Variants in CNTN4 observed in about 807,000 individuals in gnomAD.
CNTN4 encodes contactin-4.
In CNTN4, 77 loss-of-function variants were observed where a neutral mutation model predicts 122.5. The observed-to-expected ratio is 0.63, with a 90% CI of 0.52 to 0.76. The LOEUF (loss-of-function observed/expected upper bound fraction) is 0.76. CNTN4 is among the 30% of genes least tolerant of loss of function. CNTN4 has a pLI of 0.00. For missense variants in CNTN4, 1,256 were observed against 1,259.1 expected (o/e 1.00, Z 0.04); for synonymous variants, 512 against 447.0 (o/e 1.15, Z -1.83).
chr3:2,662,865 G>A (rs939504886), intron 4 of CNTN4, among the ~76,000 whole-genome samples: 2 of 152,096 alleles, frequency 1.3e-5, no homozygotes, highest in African/African-American at 4.8e-5. Context: ...GGCTGAGGTG[G>A]GTGGATCACT....
chr3:2,855,973 AG>A (rs1426395089), intron 7 of CNTN4, among the ~76,000 whole-genome samples: 1 of 152,046 alleles, frequency 6.6e-6, no homozygotes, highest in Non-Finnish European at 1.5e-5. Context: ...CTCTGATTTC[AG>A]TGAATTTGAT....
intron 2 of CNTN4, among the ~76,000 whole-genome samples, chr3:2,172,220 C>G (rs1464274765): frequency 1.3e-5 from 2 of 151,712 alleles, no homozygotes. Context: ...ACTACTCAGC[C>G]ATAAAAAAAA....
At chr3:2,430,251 A>G (rs991616023) in intron 3 of CNTN4, among the ~76,000 whole-genome samples, 5 of 151,790 alleles carry the variant, frequency 3.3e-5, no homozygotes, top group Non-Finnish European at 7.4e-5. Context: ...GTGAAACCCC[A>G]TCACCCTAAA....
chr3:3,040,184 T>C lies in CNTN4; in HGVS notation c.2311T>C (p.Ser771Pro), dbSNP rs764723799. 6.2e-7 allele frequency: 1 copy of C among 1,614,192 alleles called. No individual in the cohort carries two copies. The highest frequency in any genetic ancestry group is 1.1e-5 in the South Asian group (1 of 91,084). ...VFRNESVHPF[S>P]PFEVKVGVFN... ...CAGGAATGAGAGCGTGCACCCCTTC[T>C]CTCCCTTTGAGGTTAAAGTAGGTGT... is the stretch of plus-strand genomic sequence containing the variant. Residue 771 changes from serine (S) to proline (P), a missense_variant, in exon 20 of 25, where the codon TCT (serine) becomes CCT (proline). Ser to Pro is a moderately conservative substitution (Grantham distance 74). Coordinates refer to ENST00000418658, the MANE Select transcript of CNTN4 (RefSeq NM_175607.3).
Position 3,043,021 on chromosome 3 carries a change from A to G in CNTN4, c.2556A>G (p.Lys852=). 1 of 1,614,174 alleles carries G rather than the reference A, an allele frequency of 6.2e-7. No homozygotes were observed. The highest frequency in any genetic ancestry group is 8.5e-7 in the Non-Finnish European group (1 of 1,180,010). ...RHEDKEENAR[K]IRTVGNQTST... ...AAGACAAAGAAGAAAATGCTAGAAA[A>G]ATACGAACAGTTGGAAATCAGACAT... Residue 852 remains lysine, a synonymous_variant, in exon 22 of 25, where the codon AAA becomes AAG. Coordinates refer to ENST00000418658, the MANE Select transcript of CNTN4 (RefSeq NM_175607.3).
intron 4 of CNTN4, among the ~76,000 whole-genome samples, chr3:2,589,738 C>T (rs915291045): frequency 6.6e-6 from 1 of 152,200 alleles, no homozygotes; most frequent in Non-Finnish European, 1.5e-5. Context: ...CACCCACTTT[C>T]AAGTTGGCTC....
chr3:2,647,411 A>G (rs2083179024), intron 4 of CNTN4, among the ~76,000 whole-genome samples: 1 of 113,772 alleles, frequency 8.8e-6, no homozygotes, highest in African/African-American at 3.3e-5. Context: ...ATAAATAAAT[A>G]AATAAATAGC....
chr3:2,425,817 C>A (rs1262571937), intron 3 of CNTN4, among the ~76,000 whole-genome samples: 2 of 152,136 alleles, frequency 1.3e-5, no homozygotes, highest in African/African-American at 2.4e-5. Flanking sequence ...GTATTTTATT[C>A]TCTTTGAAGC....
chr3:2,503,868 T>A (rs1332138009), intron 3 of CNTN4, among the ~76,000 whole-genome samples: 1 of 152,092 alleles, frequency 6.6e-6, no homozygotes, highest in South Asian at 2.1e-4. Flanking sequence ...TTGGGAGGAC[T>A]CTGTAAGAAC....
In CNTN4 at chr3:3,049,457, A is replaced by G. The variant is rs115798238; in HGVS notation, c.2812-4350A>G. Reference sequence around the variant, plus strand: ...AGTTTTACGGATGAAGAGCTGTGGCATAGAGTTTAGTCACTTGCCTTTCAC... The same window carrying G: ...AGTTTTACGGATGAAGAGCTGTGGCGTAGAGTTTAGTCACTTGCCTTTCAC... On this transcript the variant is annotated intron_variant, in intron 23 of 24. Transcript: ENST00000418658. Among the ~76,000 whole-genome samples the G allele has an allele frequency of 5.1e-3, 780 of 152,344 alleles. 6 individuals are homozygous for G. The highest frequency in any genetic ancestry group is 0.017 in the African/African-American group (723 of 41,576).
At chr3:2,791,575 A>C (rs2092013305) in intron 6 of CNTN4, among the ~76,000 whole-genome samples, 1 of 152,084 alleles carries the variant, frequency 6.6e-6, no homozygotes, top group Non-Finnish European at 1.5e-5. Context: ...ATACAAACAT[A>C]GTAAGAGTTC....
chr3:2,744,764 C>T (rs558043366), intron 5 of CNTN4, among the ~76,000 whole-genome samples: 34 of 152,256 alleles, frequency 2.2e-4, no homozygotes, highest in East Asian at 1.9e-3. Context: ...ACCAAAACTT[C>T]GCTGTTAAAA....
At chr3:2,844,842 G>A (rs1001921139) in intron 7 of CNTN4, among the ~76,000 whole-genome samples, 1 of 152,086 alleles carries the variant, frequency 6.6e-6, no homozygotes, top group African/African-American at 2.4e-5. Context: ...TGACTTTCTG[G>A]ATAAACAGTC....
chr3:2,256,879 A>G (rs1408328473), intron 2 of CNTN4, among the ~76,000 whole-genome samples: 1 of 152,208 alleles, frequency 6.6e-6, no homozygotes, highest in Admixed American at 6.5e-5. Flanking sequence ...TAATTTACAG[A>G]TTCAATGCTA....
chr3:2,336,479 A>G (rs1197838159), intron 2 of CNTN4, among the ~76,000 whole-genome samples: 1 of 152,098 alleles, frequency 6.6e-6, no homozygotes, highest in Admixed American at 6.5e-5. Flanking sequence ...ATTTGTATTC[A>G]TTGCTCACTT....
intron 4 of CNTN4, among the ~76,000 whole-genome samples, chr3:2,600,803 T>G (rs2081010139): frequency 6.6e-6 from 1 of 152,180 alleles, no homozygotes; most frequent in African/African-American, 2.4e-5. Context: ...TTGAACTAGT[T>G]TACAGTCCCA....
chr3:2,785,564 A>G (rs2091778352), intron 6 of CNTN4, among the ~76,000 whole-genome samples: 1 of 152,224 alleles, frequency 6.6e-6, no homozygotes, highest in African/African-American at 2.4e-5. Context: ...AAATTAACAT[A>G]TAAAACTAAT....
At chr3:2,677,098 C>T (rs186056419) in intron 4 of CNTN4, among the ~76,000 whole-genome samples, 19 of 151,592 alleles carry the variant, frequency 1.3e-4, no homozygotes, top group Admixed American at 7.9e-4. Flanking sequence ...TCTATTCTCT[C>T]TCTCTATAGA....
At chr3:2,751,243 G>A (rs948349990) in intron 6 of CNTN4, among the ~76,000 whole-genome samples, 2 of 151,650 alleles carry the variant, frequency 1.3e-5, no homozygotes, top group African/African-American at 4.9e-5. Flanking sequence ...GGGAGGCAGA[G>A]CTTGCTGTGA....
Sources: gnomAD v4.1 joint callset for allele counts (sites outside exome capture counted in the v4.1 genomes callset) on GRCh38, gnomAD v4.1.1 for gene constraint, MANE v1.5 for transcripts, NCBI Gene and HGNC (gene_info 2026-07-23, HGNC 2026-07-21) for gene names.